The following WASL variants were observed in gnomAD, a reference collection of about 807,000 sequenced individuals.
The protein encoded by WASL is WASP like actin nucleation promoting factor, also known as actin nucleation-promoting factor WASL.
WASL carries 20 observed loss-of-function variants against 55.5 expected under a neutral mutation model. That is an observed-to-expected ratio of 0.36 (90% CI 0.25 to 0.52). The LOEUF (loss-of-function observed/expected upper bound fraction) is 0.52. Among genes scored for constraint, WASL ranks in the 20% least tolerant of loss-of-function variants. The pLI is 0.92. For synonymous variants in WASL, 249 were observed against 217.6 expected (o/e 1.14, Z -1.27); for missense variants, 504 against 622.5 (o/e 0.81, Z 2.03).
intron 1 of WASL, among the ~76,000 whole-genome samples, chr7:123,720,045 T>A (rs1803914480): frequency 6.6e-6 from 1 of 152,190 alleles, no homozygotes; most frequent in Non-Finnish European, 1.5e-5. Context: ...CCTGTCTTAT[T>A]TCTATACTCA....
At chr7:123,730,203 A>T (rs1274200077) in intron 1 of WASL, among the ~76,000 whole-genome samples, 1 of 152,188 alleles carries the variant, frequency 6.6e-6, no homozygotes, top group African/African-American at 2.4e-5. Flanking sequence ...CTAGCAAAAA[A>T]TGTTTAAAGT....
intron 1 of WASL, among the ~76,000 whole-genome samples, chr7:123,747,982 G>GA (rs1002047330): frequency 4.7e-5 from 7 of 149,484 alleles, no homozygotes; most frequent in South Asian, 2.1e-4. Context: ...CCAATGGGGG[G>GA]AAAAAAAAAA....
chr7:123,694,593 G>A, intron 8 of WASL, 122 bp downstream of exon 8: 1 of 963,316 alleles, frequency 1.0e-6, no homozygotes, highest in Non-Finnish European at 1.6e-6. Flanking sequence ...CACATTAGTT[G>A]TCCATAGACT....
At chr7:123,732,496 A>C (rs1270361336) in intron 1 of WASL, among the ~76,000 whole-genome samples, 1 of 152,204 alleles carries the variant, frequency 6.6e-6, no homozygotes, top group East Asian at 1.9e-4. Flanking sequence ...ATCTATCAAA[A>C]TTTACACAAA....
intron 8 of WASL, among the ~76,000 whole-genome samples, chr7:123,694,245 T>TTA (rs1450713670): frequency 2.0e-5 from 3 of 152,130 alleles, no homozygotes; most frequent in Non-Finnish European, 4.4e-5. Context: ...TCTTAAAAGG[T>TTA]TATAAATTGT....
intron 9 of WASL, among the ~76,000 whole-genome samples, chr7:123,690,308 T>G (rs929453836): frequency 7.9e-5 from 12 of 152,200 alleles, no homozygotes; most frequent in Admixed American, 7.2e-4. Context: ...AATTCAAAAA[T>G]ATATGTGAGT....
chr7:123,718,203 A>C (rs1321416943), intron 1 of WASL, among the ~76,000 whole-genome samples: 1 of 152,202 alleles, frequency 6.6e-6, no homozygotes, highest in Non-Finnish European at 1.5e-5. Context: ...CACCAAATAA[A>C]CATTCACTTT....
chr7:123,704,449 G>C (rs1562959718), intron 5 of WASL, among the ~76,000 whole-genome samples, 185 bp downstream of exon 5: 1 of 151,964 alleles, frequency 6.6e-6, no homozygotes, highest in African/African-American at 2.4e-5. Context: ...ATTAAAAATA[G>C]GAACACAATA....
chr7:123,713,686 C>A (rs184653633), intron 1 of WASL, among the ~76,000 whole-genome samples: 31 of 152,264 alleles, frequency 2.0e-4, no homozygotes, highest in Admixed American at 1.6e-3. Flanking sequence ...GATTTAAATA[C>A]ATTCCTAGAT....
chr7:123,701,712 G>A (rs537516030), intron 5 of WASL, among the ~76,000 whole-genome samples: 11 of 152,162 alleles, frequency 7.2e-5, no homozygotes, highest in Non-Finnish European at 1.6e-4. Flanking sequence ...CCTAGTGGTG[G>A]TGCACCAAAT....
intron 1 of WASL, among the ~76,000 whole-genome samples, chr7:123,715,169 T>C (rs535766725): frequency 1.3e-4 from 20 of 152,322 alleles, no homozygotes; most frequent in African/African-American, 2.9e-4. Context: ...AGTTCTTATA[T>C]ATTATCTTCC....
intron 1 of WASL, among the ~76,000 whole-genome samples, chr7:123,733,559 A>C (rs1028773787): frequency 1.3e-5 from 2 of 152,188 alleles, no homozygotes; most frequent in African/African-American, 4.8e-5. Flanking sequence ...ATTTCCACAA[A>C]TGGATCTATA....
intron 5 of WASL, among the ~76,000 whole-genome samples, chr7:123,702,062 T>TC (rs1278114802): frequency 6.8e-6 from 1 of 146,072 alleles, no homozygotes; most frequent in African/African-American, 2.6e-5. Flanking sequence ...CATTTAATTC[T>TC]TTTTTTTTTG....
chr7:123,692,740 G>C lies in WASL; in HGVS notation c.954C>G (p.Pro318=). ...GAPPPPPSRA[P]TAAPPPPPPS... Reference sequence around the variant, plus strand: ...GAGGCGGTGGTGGAGGTGCAGCTGTGGGAGCTCTTGAAGGTGGTGGGGGAG... The same window carrying C: ...GAGGCGGTGGTGGAGGTGCAGCTGTCGGAGCTCTTGAAGGTGGTGGGGGAG... The change falls in exon 9 of 11, where the codon CCC becomes CCG. Residue 318 remains proline, a synonymous_variant. Transcript: ENST00000223023. 2.0e-6 allele frequency: 3 copies of C among 1,509,688 alleles called. No individual in the cohort carries two copies. Among genetic ancestry groups the C allele is most frequent in the Non-Finnish European group, 2.7e-6 (3 of 1,131,274 alleles). The allele number at this position is 1,509,688 out of a possible 1,614,324, so 93.5% of individuals were successfully genotyped here.
chr7:123,725,376 T>C (rs903424355), intron 1 of WASL, among the ~76,000 whole-genome samples: 1 of 152,096 alleles, frequency 6.6e-6, no homozygotes, highest in Non-Finnish European at 1.5e-5. Context: ...CTGTTTTTTT[T>C]AAAAAAGGAG....
rs1357591567 is a variant in WASL, at chr7:123,692,624, C to T, written c.1070G>A (p.Gly357Glu). Residue 357 changes from glycine to glutamate, a missense_variant, in exon 9 of 11, where the codon GGG becomes GAG. Physicochemically the swap from Gly to Glu is moderately conservative, Grantham distance 98 (BLOSUM62 -2). This residue lies in a region of WASL where 201 missense variants were observed against 206.2 expected (regional missense o/e 0.97). Coordinates refer to ENST00000223023, the MANE Select transcript of WASL (RefSeq NM_003941.4). ...CACAGATGGAGGTGGTGGTGGAGGC[C>T]CTGAAGGTGCTGAGGAGGGAAGGGC... Reference protein sequence around the residue: ...PPALPSSAPSGPPPPPPSVLG... With the variant: ...PPALPSSAPSEPPPPPPSVLG... 2 of 1,595,054 alleles carry T rather than the reference C, an allele frequency of 1.3e-6. No individual in the cohort carries two copies.
intron 1 of WASL, among the ~76,000 whole-genome samples, chr7:123,747,480 T>A (rs1336653151): frequency 1.3e-5 from 2 of 152,174 alleles, no homozygotes; most frequent in East Asian, 3.8e-4. Flanking sequence ...AAGTTAACAA[T>A]GAATCCAATA....
intron 1 of WASL, among the ~76,000 whole-genome samples, chr7:123,738,913 A>C (rs974423263): frequency 6.6e-6 from 1 of 152,094 alleles, no homozygotes; most frequent in Non-Finnish European, 1.5e-5. Flanking sequence ...AAAAACCCAA[A>C]ATCTCAAACT....
Position 123,694,701 on chromosome 7 carries a change from G to A in WASL, c.826+14C>T. 5 of 1,611,414 alleles carry A rather than the reference G, an allele frequency of 3.1e-6. No individual in the cohort carries two copies. Among genetic ancestry groups the A allele is most frequent in the Non-Finnish European group, 4.2e-6 (5 of 1,179,108 alleles). On this transcript the variant is annotated intron_variant, in intron 8 of 10. Coordinates refer to ENST00000223023, the MANE Select transcript of WASL (RefSeq NM_003941.4). ...TTAAAACAAAACAGAACGCTGAATAGAGATAAAAGTTACCTTGCCTCCGCA... is the reference window on the plus strand; with the variant it reads ...TTAAAACAAAACAGAACGCTGAATAAAGATAAAAGTTACCTTGCCTCCGCA...
Sources: gnomAD v4.1 joint callset for allele counts (sites outside exome capture counted in the v4.1 genomes callset) on GRCh38, gnomAD v4.1.1 for gene constraint, gnomAD v4.1.1 regional missense constraint, MANE v1.5 for transcripts, NCBI Gene and HGNC (gene_info 2026-07-23, HGNC 2026-07-21) for gene names.